Variants in ROCK1 observed in about 807,000 individuals in gnomAD.
The protein encoded by ROCK1 is rho-associated protein kinase 1.
In ROCK1, 36 loss-of-function variants were observed where a neutral mutation model predicts 196.8. The observed-to-expected ratio is 0.18, with a 90% CI of 0.14 to 0.24. ROCK1 has a LOEUF of 0.24. Ranked by LOEUF, ROCK1 falls within the 10% of genes least tolerant of loss-of-function variation. ROCK1 has a pLI of 1.00. For missense variants in ROCK1, 920 were observed against 1,562.0 expected, an observed-to-expected ratio of 0.59 and a Z score of 6.93; for synonymous variants, 443 against 515.9, an observed-to-expected ratio of 0.86 and a Z score of 1.91.
intron 1 of ROCK1, among the ~76,000 whole-genome samples, chr18:21,098,521 TCTAA>T (rs920343265): frequency 6.6e-6 from 1 of 152,090 alleles, no homozygotes; most frequent in Non-Finnish European, 1.5e-5. Flanking sequence ...GGGAAATCTT[TCTAA>T]CTATGACTCA....
At chr18:21,096,237 T>C (rs1246272408) in intron 1 of ROCK1, among the ~76,000 whole-genome samples, 1 of 152,042 alleles carries the variant, frequency 6.6e-6, no homozygotes, top group Admixed American at 6.6e-5. Flanking sequence ...TCTCACTCTG[T>C]CACACAGGCT....
chr18:21,076,889 TC>T (rs1443707021), intron 1 of ROCK1, among the ~76,000 whole-genome samples: 2 of 151,288 alleles, frequency 1.3e-5, no homozygotes, highest in Non-Finnish European at 2.9e-5. Flanking sequence ...GTAAAAGCTA[TC>T]CCAAATGGTA....
chr18:21,003,310 G>A (rs2035741972), intron 16 of ROCK1, among the ~76,000 whole-genome samples: 1 of 152,014 alleles, frequency 6.6e-6, no homozygotes, highest in African/African-American at 2.4e-5. Flanking sequence ...GGAAAATACA[G>A]ATTAAAATAA....
At chr18:20,988,576 T>C (rs1158935900) in intron 18 of ROCK1, among the ~76,000 whole-genome samples, 1 of 152,196 alleles carries the variant, frequency 6.6e-6, no homozygotes, top group African/African-American at 2.4e-5. Flanking sequence ...GCTAGTGGCT[T>C]AATACAAATC....
chr18:21,076,877 A>T (rs182847592), intron 1 of ROCK1, among the ~76,000 whole-genome samples: 1 of 152,214 alleles, frequency 6.6e-6, no homozygotes, highest in Admixed American at 6.5e-5. Context: ...ATATCCAATC[A>T]AGTAAAAGCT....
intron 2 of ROCK1, among the ~76,000 whole-genome samples, chr18:21,056,109 T>A (rs553922666): frequency 4.7e-4 from 71 of 152,334 alleles, no homozygotes; most frequent in African/African-American, 1.6e-3. Context: ...CTCAGATTTC[T>A]TAACACTGGA....
intron 1 of ROCK1, among the ~76,000 whole-genome samples, chr18:21,091,852 C>T (rs1216473564): frequency 6.6e-6 from 1 of 151,826 alleles, no homozygotes; most frequent in Non-Finnish European, 1.5e-5. Context: ...TGCCTATAAT[C>T]CCAGCTACTC....
chr18:20,980,418 T>C (rs1479606829), intron 21 of ROCK1, among the ~76,000 whole-genome samples: 1 of 151,964 alleles, frequency 6.6e-6, no homozygotes, highest in Non-Finnish European at 1.5e-5. Flanking sequence ...CTAGGACAGG[T>C]GAAAATAATC....
chr18:21,003,484 T>G (rs191450027), intron 16 of ROCK1, among the ~76,000 whole-genome samples: 86 of 152,312 alleles, frequency 5.6e-4, no homozygotes, highest in Non-Finnish European at 1.1e-3. Context: ...CCTTTGATAA[T>G]GGCATTGTAG....
chr18:21,010,213 TAC>T (rs1021820212), intron 13 of ROCK1, among the ~76,000 whole-genome samples: 3 of 152,200 alleles, frequency 2.0e-5, no homozygotes, highest in African/African-American at 7.2e-5. Context: ...CTCTTATCGT[TAC>T]TTGTCCTTCC....
At chr18:20,959,081 T>TATA (rs2035289336) in intron 29 of ROCK1, among the ~76,000 whole-genome samples, 1 of 38,094 alleles carries the variant, frequency 2.6e-5, no homozygotes, top group African/African-American at 1.6e-4. Context: ...ATATAATATA[T>TATA]ATATTTTATA....
At chr18:20,998,549 C>A (rs1181304244) in intron 16 of ROCK1, among the ~76,000 whole-genome samples, 5 of 143,676 alleles carry the variant, frequency 3.5e-5, no homozygotes, top group Non-Finnish European at 6.0e-5. Context: ...AGTCTTCCAG[C>A]AAATAAAAGC....
intron 27 of ROCK1, among the ~76,000 whole-genome samples, chr18:20,961,069 T>C (rs566792789): frequency 7.9e-5 from 12 of 152,326 alleles, no homozygotes; most frequent in Middle Eastern, 3.4e-3. Context: ...ATATAACTAA[T>C]GTCTACTAGA....
At chr18:21,076,747 T>C (rs1165499190) in intron 1 of ROCK1, among the ~76,000 whole-genome samples, 1 of 151,566 alleles carries the variant, frequency 6.6e-6, no homozygotes, top group Non-Finnish European at 1.5e-5. Flanking sequence ...TGTCAGCAAA[T>C]TGGTGGACTA....
rs1598567315 is a variant in ROCK1, at chr18:21,111,033, G to A, written c.-123C>T. On this transcript the variant is annotated 5_prime_UTR_variant, in exon 1 of 33. Coordinates refer to ENST00000399799, the MANE Select transcript of ROCK1 (RefSeq NM_005406.3). This position sits in a 1 kb window ranked among gnomAD's most constrained non-coding sequence, Gnocchi z 4.2. Reference sequence around the variant, plus strand: ...GGAGCCGGAACCTCAGGGTCACCAGGTGCGCCCGGTTCCCCCGTCTTCCCC... The same window carrying A: ...GGAGCCGGAACCTCAGGGTCACCAGATGCGCCCGGTTCCCCCGTCTTCCCC... 2.8e-6 allele frequency: 2 copies of A among 725,130 alleles called. No homozygotes were observed. Among genetic ancestry groups the A allele is most frequent in the Middle Eastern group, 3.7e-4 (1 of 2,732 alleles). 44.9% of individuals were successfully genotyped at this position (725,130 alleles called of 1,614,324 possible).
In ROCK1 at chr18:20,984,477, T is replaced by C. The variant is rs1410523802; in HGVS notation, c.2363A>G (p.Asn788Ser). ...QESNKRLLLQNELKTQAFEAD... is the reference protein window; with the variant it reads ...QESNKRLLLQSELKTQAFEAD... ...CTCAAATGCTTGAGTCTTCAATTCATTTTGTAACAACAGCCGCTTATTTGA... is the reference window on the plus strand; with the variant it reads ...CTCAAATGCTTGAGTCTTCAATTCACTTTGTAACAACAGCCGCTTATTTGA... Residue 788 changes from asparagine to serine, a missense_variant, in exon 20 of 33, where the codon AAT (asparagine) becomes AGT (serine). By Grantham distance (46) the Asn-to-Ser change is conservative. Around this residue, in one of 6 missense-constraint regions of ROCK1, gnomAD observed 520 missense variants for 657.1 expected, o/e 0.79. Coordinates refer to ENST00000399799, the MANE Select transcript of ROCK1 (RefSeq NM_005406.3). 2 of 1,613,488 alleles carry C rather than the reference T, an allele frequency of 1.2e-6. No individual in the cohort carries two copies. The highest frequency in any genetic ancestry group is 1.3e-5 in the African/African-American group (1 of 74,914).
intron 31 of ROCK1, 41 bp from the exon 32 acceptor site, chr18:20,953,826 T>C (rs562496901): frequency 7.1e-6 from 7 of 981,276 alleles, no homozygotes; most frequent in East Asian, 2.9e-5. Context: ...TAAAGCCATA[T>C]AGTTTTTTAA....
chr18:20,967,891 T>C lies in ROCK1; in HGVS notation c.3053A>G (p.Asp1018Gly). 1.3e-6 allele frequency: 2 copies of C among 1,591,154 alleles called. No individual in the cohort carries two copies. Among genetic ancestry groups the C allele is most frequent in the Non-Finnish European group, 1.7e-6 (2 of 1,167,372 alleles). The change falls in exon 26 of 33, where the codon GAT (aspartate) becomes GGT (glycine). Residue 1018 changes from aspartate to glycine, a missense_variant. Around this residue, in one of 6 missense-constraint regions of ROCK1, gnomAD observed 116 missense variants for 204.2 expected, o/e 0.57. Transcript: ENST00000399799. The part of the protein sequence containing the change: ...EIMNRKDFKI[D>G]RKKANTQDLR... ...ATCTTGTGTATTAGCTTTCTTTCTA[T>C]CAATTTTAAAATCTTTTCGATTCAT...
rs2036183962 is a variant in ROCK1 at position 21,049,113 on chromosome 18, G to A, written c.393C>T (p.Ala131=). The A allele has an allele frequency of 6.2e-7, 1 of 1,610,220 alleles. No individual in the cohort carries two copies. Among genetic ancestry groups the A allele is most frequent in the Non-Finnish European group, 8.5e-7 (1 of 1,177,852 alleles). The change falls in exon 4 of 33, where the codon GCC becomes GCT. Residue 131 remains alanine (A), a synonymous_variant. Coordinates refer to ENST00000399799, the MANE Select transcript of ROCK1 (RefSeq NM_005406.3). ...FWEERDIMAF[A]NSPWVVQLFY... The stretch of plus-strand genomic sequence containing the variant: ...ATACCTGAACAACCCAAGGACTGTT[G>A]GCAAAAGCCATGATGTCCCTTTCTT...
Sources: allele counts gnomAD v4.1 joint callset (sites outside exome capture counted in the v4.1 genomes callset), GRCh38; gene constraint gnomAD v4.1.1; regional missense constraint gnomAD v4.1.1; non-coding constraint Gnocchi (gnomAD v3.1); transcripts MANE v1.5; gene names NCBI Gene and HGNC (gene_info 2026-07-23, HGNC 2026-07-21).